The following CLSTN2 variants were observed in gnomAD, a reference collection of about 807,000 sequenced individuals.
The protein encoded by CLSTN2 is calsyntenin-2.
In CLSTN2, 48 loss-of-function variants were observed where a neutral mutation model predicts 101.2. That is an observed-to-expected ratio of 0.47 (90% CI 0.38 to 0.60). CLSTN2 has a LOEUF of 0.60. Ranked by LOEUF, CLSTN2 falls within the 20% of genes least tolerant of loss-of-function variation. The pLI, the probability that CLSTN2 is intolerant of heterozygous loss-of-function variation, is 0.00. For synonymous variants in CLSTN2, 481 were observed against 463.6 expected, an observed-to-expected ratio of 1.04 and a Z score of -0.48; for missense variants, 1,160 against 1,238.2, an observed-to-expected ratio of 0.94 and a Z score of 0.95.
intron 1 of CLSTN2, among the ~76,000 whole-genome samples, chr3:140,016,130 C>T (rs796806771): frequency 2.0e-5 from 3 of 152,274 alleles, no homozygotes; most frequent in African/African-American, 7.2e-5. Flanking sequence ...TGTGCAGAGG[C>T]ATGGCTGTGG....
chr3:140,250,046 C>G lies in CLSTN2; in HGVS notation c.232+73973C>G, dbSNP rs555352957. ...TTAAGAAATTGCAAATATTCCTTTTCAAGAGATACTTGCCTAATTTTTTAT... is the reference window on the plus strand; with the variant it reads ...TTAAGAAATTGCAAATATTCCTTTTGAAGAGATACTTGCCTAATTTTTTAT... On this transcript the variant is annotated intron_variant, in intron 2 of 16. Coordinates refer to ENST00000458420, the MANE Select transcript of CLSTN2 (RefSeq NM_022131.3). Among the ~76,000 whole-genome samples the G allele has an allele frequency of 2.1e-4, 32 of 152,272 alleles. No homozygotes were observed. In the South Asian group the frequency reaches 6.0e-3, roughly 29 times the overall value.
At chr3:140,273,966 A>G (rs183043487) in intron 2 of CLSTN2, among the ~76,000 whole-genome samples, 1 of 152,318 alleles carries the variant, frequency 6.6e-6, no homozygotes, top group Admixed American at 6.5e-5. Context: ...ACAGAGCCAC[A>G]GGAATGTGAC....
intron 8 of CLSTN2, among the ~76,000 whole-genome samples, chr3:140,469,601 C>A (rs992000383): frequency 5.3e-5 from 8 of 152,210 alleles, no homozygotes; most frequent in Non-Finnish European, 7.3e-5. Flanking sequence ...CCAGGCAGAA[C>A]TCCATCCCCA....
chr3:140,172,328 G>C (rs79592335), intron 1 of CLSTN2, among the ~76,000 whole-genome samples: 1,990 of 152,180 alleles, frequency 0.013, 127 homozygotes, highest in Admixed American at 0.097. Flanking sequence ...GTGCAGAATA[G>C]AATGGAGTAG....
At chr3:140,462,531 T>A (rs1453914606) in intron 7 of CLSTN2, among the ~76,000 whole-genome samples, 1 of 152,248 alleles carries the variant, frequency 6.6e-6, no homozygotes, top group Non-Finnish European at 1.5e-5. Flanking sequence ...AAGATTGCAC[T>A]AAGTTTGTCT....
intron 2 of CLSTN2, among the ~76,000 whole-genome samples, chr3:140,347,478 G>A (rs1458236327): frequency 6.6e-6 from 1 of 152,226 alleles, no homozygotes; most frequent in African/African-American, 2.4e-5. Context: ...TCATGATTCT[G>A]CTGTTTTCTG....
intron 2 of CLSTN2, among the ~76,000 whole-genome samples, chr3:140,376,183 A>G (rs940562832): frequency 6.6e-6 from 1 of 152,188 alleles, no homozygotes; most frequent in South Asian, 2.1e-4. Context: ...ACTCCCTACT[A>G]TCTAACTGTC....
intron 9 of CLSTN2, among the ~76,000 whole-genome samples, chr3:140,533,954 G>A (rs965039575): frequency 5.3e-5 from 8 of 152,182 alleles, no homozygotes; most frequent in Non-Finnish European, 1.0e-4. Context: ...CCTACTTGAT[G>A]TCTCACTTGT....
intron 1 of CLSTN2, among the ~76,000 whole-genome samples, chr3:139,978,040 G>T (rs1053264148): frequency 6.6e-6 from 1 of 152,088 alleles, no homozygotes; most frequent in African/African-American, 2.4e-5. Flanking sequence ...TCACATCTGG[G>T]GAACCCTGTG....
chr3:140,106,854 T>C (rs780740055), intron 1 of CLSTN2, among the ~76,000 whole-genome samples: 1 of 152,248 alleles, frequency 6.6e-6, no homozygotes, highest in Non-Finnish European at 1.5e-5. Context: ...TTAACAAAAT[T>C]ATAATTGTGC....
At chr3:140,502,303 T>C (rs1409566434) in intron 8 of CLSTN2, among the ~76,000 whole-genome samples, 1 of 152,158 alleles carries the variant, frequency 6.6e-6, no homozygotes, top group Non-Finnish European at 1.5e-5. Flanking sequence ...GAACACAGGC[T>C]TGTGGGGCTG....
chr3:140,329,917 TC>T (rs2087365768), intron 2 of CLSTN2, among the ~76,000 whole-genome samples: 1 of 152,236 alleles, frequency 6.6e-6, no homozygotes, highest in Non-Finnish European at 1.5e-5. Context: ...GCCTTTTTCT[TC>T]CCCTGTTCAG....
At chr3:140,142,882 G>T (rs1009888097) in intron 1 of CLSTN2, among the ~76,000 whole-genome samples, 3 of 152,132 alleles carry the variant, frequency 2.0e-5, no homozygotes, top group African/African-American at 4.8e-5. Context: ...CAGAGGTGAT[G>T]ACCCATTTGA....
intron 1 of CLSTN2, among the ~76,000 whole-genome samples, chr3:140,072,585 C>T (rs2008415310): frequency 6.6e-6 from 1 of 152,088 alleles, no homozygotes; most frequent in African/African-American, 2.4e-5. Context: ...TCTAATAATA[C>T]TAATGAAGGG....
intron 1 of CLSTN2, among the ~76,000 whole-genome samples, chr3:140,114,921 C>G (rs1424209888): frequency 6.6e-6 from 1 of 152,210 alleles, no homozygotes; most frequent in African/African-American, 2.4e-5. Flanking sequence ...CTGGGACACT[C>G]TCAGTGACAG....
At chr3:140,407,822 G>T (rs138377016) in intron 4 of CLSTN2, among the ~76,000 whole-genome samples, 1 of 152,324 alleles carries the variant, frequency 6.6e-6, no homozygotes, top group East Asian at 1.9e-4. Flanking sequence ...CACTGTCACA[G>T]TGGTGATAGA....
intron 2 of CLSTN2, among the ~76,000 whole-genome samples, chr3:140,292,249 C>T (rs939915817): frequency 3.3e-5 from 5 of 152,312 alleles, no homozygotes; most frequent in African/African-American, 9.6e-5. Flanking sequence ...ATGTGCTGCT[C>T]CTCCTCCTGG....
At position 140,567,622 on chromosome 3, in the gene CLSTN2, T is replaced by G. The variant is rs16850545; in HGVS notation, c.*1369T>G. 2,268 of 152,336 alleles carry G rather than the reference T, an allele frequency of 0.015. 58 individuals carry two copies. Among genetic ancestry groups the G allele is most frequent in the African/African-American group, 0.05 (2,069 of 41,564 alleles). The allele number at this position is 152,336 out of a possible 1,614,324, so 9.4% of individuals were successfully genotyped here. On this transcript the variant is annotated 3_prime_UTR_variant, in exon 17 of 17. Coordinates refer to ENST00000458420, the MANE Select transcript of CLSTN2 (RefSeq NM_022131.3). ...AGAATAGCAGGCAAGAATTAGGGCC[T>G]TGACAGAATTTCCACGAAGCTCTGA...
chr3:140,209,625 C>T (rs2010830211), intron 2 of CLSTN2, among the ~76,000 whole-genome samples: 1 of 151,896 alleles, frequency 6.6e-6, no homozygotes. Flanking sequence ...TGTTGAAGCC[C>T]AGCACTGTCC....
Sources: gnomAD v4.1 joint callset for allele counts (sites outside exome capture counted in the v4.1 genomes callset) on GRCh38, gnomAD v4.1.1 for gene constraint, MANE v1.5 for transcripts, NCBI Gene and HGNC (gene_info 2026-07-23, HGNC 2026-07-21) for gene names.